The following OXCT1 variants were observed in gnomAD, a reference collection of about 807,000 sequenced individuals.
OXCT1 encodes 3-oxoacid CoA-transferase 1.
A neutral mutation model predicts 69.6 loss-of-function variants in OXCT1; 27 were observed. The observed-to-expected ratio is 0.39, with a 90% CI of 0.29 to 0.54. The LOEUF (loss-of-function observed/expected upper bound fraction) is 0.54. OXCT1 is among the 20% of genes least tolerant of loss of function. The pLI, the probability that OXCT1 is intolerant of heterozygous loss-of-function variation, is 0.72. For synonymous variants in OXCT1, 202 were observed against 217.8 expected (o/e 0.93, Z 0.64); for missense variants, 437 against 650.2 (o/e 0.67, Z 3.57).
chr5:41,790,228 A>G (rs1226388649), intron 13 of OXCT1, among the ~76,000 whole-genome samples: 4 of 152,120 alleles, frequency 2.6e-5, no homozygotes, highest in Non-Finnish European at 5.9e-5. Flanking sequence ...AGCTGACCAT[A>G]CACATCTGCT....
At chr5:41,764,829 A>G (rs1259563067) in intron 13 of OXCT1, among the ~76,000 whole-genome samples, 1 of 152,170 alleles carries the variant, frequency 6.6e-6, no homozygotes, top group Non-Finnish European at 1.5e-5. Context: ...GAGATTCCCA[A>G]ATGAGGGGAT....
intron 7 of OXCT1, among the ~76,000 whole-genome samples, chr5:41,823,021 C>A (rs1200818160): frequency 6.6e-6 from 1 of 152,156 alleles, no homozygotes; most frequent in East Asian, 1.9e-4. Flanking sequence ...CTCTTTTCTG[C>A]ATTCTGTAGT....
intron 7 of OXCT1, among the ~76,000 whole-genome samples, chr5:41,822,995 TTC>T (rs1419986285): frequency 6.6e-6 from 1 of 152,248 alleles, no homozygotes; most frequent in Non-Finnish European, 1.5e-5. Context: ...TTGTTCTTTA[TTC>T]TTTTTGCTCT....
At chr5:41,769,788 T>C (rs1192907783) in intron 13 of OXCT1, among the ~76,000 whole-genome samples, 1 of 152,112 alleles carries the variant, frequency 6.6e-6, no homozygotes, top group Non-Finnish European at 1.5e-5. Context: ...ACTATTATTA[T>C]TTTTGAGACA....
intron 7 of OXCT1, among the ~76,000 whole-genome samples, chr5:41,840,054 C>T (rs1034367786): frequency 2.0e-5 from 3 of 152,206 alleles, no homozygotes; most frequent in African/African-American, 4.8e-5. Context: ...ATGTGCAATG[C>T]TCTTCCCTTA....
At chr5:41,790,305 C>T (rs1256107785) in intron 13 of OXCT1, among the ~76,000 whole-genome samples, 1 of 152,212 alleles carries the variant, frequency 6.6e-6, no homozygotes, top group East Asian at 1.9e-4. Flanking sequence ...AGCACTAGAG[C>T]AGCTCTGAAT....
At chr5:41,852,875 T>C (rs573602212) in intron 4 of OXCT1, among the ~76,000 whole-genome samples, 143 of 152,176 alleles carry the variant, frequency 9.4e-4, no homozygotes, top group South Asian at 6.4e-3. Context: ...CTGGCCAACA[T>C]GGTGAAATCC....
chr5:41,769,285 A>T (rs1257211471), intron 13 of OXCT1, among the ~76,000 whole-genome samples: 2 of 152,012 alleles, frequency 1.3e-5, no homozygotes, highest in Non-Finnish European at 2.9e-5. Context: ...TCCCCCCAAA[A>T]TTTAATAATT....
intron 16 of OXCT1, among the ~76,000 whole-genome samples, chr5:41,735,554 G>A (rs193115379): frequency 1.3e-5 from 2 of 152,276 alleles, no homozygotes; most frequent in African/African-American, 4.8e-5. Flanking sequence ...ACTTAAACAT[G>A]GTTAAGATGG....
At chr5:41,752,407 C>A (rs1300022353) in intron 14 of OXCT1, among the ~76,000 whole-genome samples, 1 of 151,940 alleles carries the variant, frequency 6.6e-6, no homozygotes, top group Non-Finnish European at 1.5e-5. Flanking sequence ...TCTTTCCTTC[C>A]TCATGAAGGG....
chr5:41,735,738 T>G (rs1742854143), intron 16 of OXCT1, among the ~76,000 whole-genome samples: 1 of 152,216 alleles, frequency 6.6e-6, no homozygotes, highest in African/African-American at 2.4e-5. Context: ...AGGACACCTA[T>G]CTATTCATGT....
intron 1 of OXCT1, among the ~76,000 whole-genome samples, chr5:41,865,838 T>A (rs1749937460): frequency 6.6e-6 from 1 of 152,128 alleles, no homozygotes; most frequent in African/African-American, 2.4e-5. Context: ...ATAGAAGATA[T>A]CCAGGGGATA....
At chr5:41,791,582 T>C (rs968937997) in intron 13 of OXCT1, among the ~76,000 whole-genome samples, 1 of 152,188 alleles carries the variant, frequency 6.6e-6, no homozygotes, top group Non-Finnish European at 1.5e-5. Flanking sequence ...AATCATAATA[T>C]AAACAAATCT....
chr5:41,759,257 C>T (rs1047321482), intron 14 of OXCT1, among the ~76,000 whole-genome samples: 10 of 152,074 alleles, frequency 6.6e-5, no homozygotes, highest in African/African-American at 2.4e-4. Context: ...TTCTTAATAC[C>T]CATATCTCAA....
chr5:41,815,863 G>T (rs889031929), intron 7 of OXCT1, among the ~76,000 whole-genome samples: 7 of 152,152 alleles, frequency 4.6e-5, no homozygotes, highest in African/African-American at 1.7e-4. Flanking sequence ...GCTACAGAAA[G>T]GCTGCCTATT....
intron 3 of OXCT1, among the ~76,000 whole-genome samples, chr5:41,858,092 G>A (rs540612871): frequency 6.6e-6 from 1 of 152,128 alleles, no homozygotes; most frequent in African/African-American, 2.4e-5. Context: ...GAGAATCATT[G>A]TTTATATGGG....
At chr5:41,756,738 A>G (rs770172057) in intron 14 of OXCT1, among the ~76,000 whole-genome samples, 4 of 152,088 alleles carry the variant, frequency 2.6e-5, no homozygotes, top group Non-Finnish European at 5.9e-5. Flanking sequence ...AAGACGGAAG[A>G]GTTCTGTTGT....
At chr5:41,745,438 A>C (rs951528071) in intron 15 of OXCT1, among the ~76,000 whole-genome samples, 9 of 152,210 alleles carry the variant, frequency 5.9e-5, no homozygotes, top group African/African-American at 2.2e-4. Flanking sequence ...AAATGCCCAC[A>C]AGAGAAAGCA....
At position 41,859,011 on chromosome 5, in the gene OXCT1, A is replaced by G. The variant is rs182659160; in HGVS notation, c.278+2303T>C. On this transcript the variant is annotated intron_variant, in intron 3 of 16. Coordinates refer to ENST00000196371, the MANE Select transcript of OXCT1 (RefSeq NM_000436.4). ...GGAAAATTCCAGACATATAAAATTC[A>G]TAAGTTTTAAGTTTTGCACCATTCT... 4.9e-4 allele frequency among the ~76,000 whole-genome samples: 74 copies of G among 152,364 alleles called. 1 individual carries two copies. Among genetic ancestry groups the G allele is most frequent in the South Asian group, 4.1e-3 (20 of 4,832 alleles).
Sources: allele counts gnomAD v4.1 joint callset (sites outside exome capture counted in the v4.1 genomes callset), GRCh38; gene constraint gnomAD v4.1.1; transcripts MANE v1.5; gene names NCBI Gene and HGNC (gene_info 2026-07-23, HGNC 2026-07-21).